ZKSCAN2: variants seen among roughly 807,000 people sequenced by gnomAD.
The protein encoded by ZKSCAN2 is zinc finger protein with KRAB and SCAN domains 2.
A neutral mutation model predicts 90.5 loss-of-function variants in ZKSCAN2; 38 were observed. The ratio of observed to expected loss-of-function variants is 0.42; its 90% CI spans 0.32 to 0.55. ZKSCAN2 has a LOEUF of 0.55. ZKSCAN2 is among the 20% of genes least tolerant of loss of function. ZKSCAN2 has a pLI of 0.11. For synonymous variants in ZKSCAN2, 429 were observed against 421.6 expected (o/e 1.02, Z -0.22); for missense variants, 1,167 against 1,202.6 (o/e 0.97, Z 0.44).
Position 25,252,132 on chromosome 16 carries a change from T to C in ZKSCAN2, c.679-97A>G, listed in dbSNP as rs1963030567. ...GAGGCAGAGAAGAACCCTAAAGAAC[T>C]GAAATCAAGGAACAAGTGGATAGTT... is the stretch of plus-strand genomic sequence containing the variant. On this transcript the variant is annotated intron_variant, in intron 3 of 6. Coordinates refer to ENST00000328086, the MANE Select transcript of ZKSCAN2 (RefSeq NM_001012981.5). 6.4e-6 allele frequency: 9 copies of C among 1,398,096 alleles called. No individual in the cohort carries two copies. In the South Asian group the frequency reaches 1.2e-4, roughly 19 times the overall value. 86.6% of individuals were successfully genotyped at this position (1,398,096 alleles called of 1,614,324 possible).
At chr16:25,248,282 CAAAA>C (rs55673563) in intron 4 of ZKSCAN2, among the ~76,000 whole-genome samples, 2 of 23,224 alleles carry the variant, frequency 8.6e-5, no homozygotes, top group Non-Finnish European at 1.7e-4. Flanking sequence ...TTCTATACAG[CAAAA>C]AAAAAAAAAA....
rs1244530490 is a variant in ZKSCAN2, at chr16:25,239,013, A to G, written c.*803T>C. ...CTATTCTATCTGAGGAGGGCATGGT[A>G]GTTCGGAAGAGGCCGGCAGGAGCAC... On this transcript the variant is annotated 3_prime_UTR_variant, in exon 7 of 7. Coordinates refer to ENST00000328086, the MANE Select transcript of ZKSCAN2 (RefSeq NM_001012981.5). The G allele has an allele frequency of 2.0e-5, 3 of 152,734 alleles. No individual in the cohort carries two copies. The highest frequency in any genetic ancestry group is 2.9e-5 in the Non-Finnish European group (2 of 68,152). 9.5% of individuals were successfully genotyped at this position (152,734 alleles called of 1,614,324 possible). A position where few individuals can be genotyped will look rare whatever the true frequency, so the allele number is the denominator to read the frequency against.
intron 4 of ZKSCAN2, among the ~76,000 whole-genome samples, chr16:25,249,906 C>T (rs750051398): frequency 4.6e-5 from 7 of 152,132 alleles, no homozygotes; most frequent in Non-Finnish European, 5.9e-5. Context: ...CTCAATGAAG[C>T]ATTATTCACA....
intron 2 of ZKSCAN2, among the ~76,000 whole-genome samples, chr16:25,254,938 T>G (rs1963074166): frequency 6.6e-6 from 1 of 151,298 alleles, no homozygotes; most frequent in South Asian, 2.1e-4. Flanking sequence ...AGACCACAGG[T>G]GCACGCCAAC....
rs1388760463 is a variant in ZKSCAN2 at position 25,256,748 on chromosome 16, G to A, written c.380C>T (p.Thr127Ile). Residue 127 changes from threonine to isoleucine, a missense_variant, in exon 1 of 7, where the codon ACT becomes ATT. Physicochemically the swap from Thr to Ile is moderately conservative, Grantham distance 89 (BLOSUM62 -1). Transcript: ENST00000328086. Reference sequence around the variant, plus strand: ...TCTCACCTGCTGTCTTAGTCTTCCAGTCTCTTTCTCCAAATGCACTACCAG... The same window carrying A: ...TCTCACCTGCTGTCTTAGTCTTCCAATCTCTTTCTCCAAATGCACTACCAG... ...VALVVHLEKE[T>I]GRLRQQVSSP... The A allele has an allele frequency of 1.9e-6, 3 of 1,612,698 alleles. No individual in the cohort carries two copies. The highest frequency in any genetic ancestry group is 2.2e-5 in the South Asian group (2 of 90,898).
rs112850148 is a variant in ZKSCAN2, at chr16:25,242,269, T to C, written c.1981+1516A>G. On this transcript the variant is annotated intron_variant, in intron 6 of 6. Coordinates refer to ENST00000328086, the MANE Select transcript of ZKSCAN2 (RefSeq NM_001012981.5). ...GCTCAGAGAAAGCTTGATAATTTGATGATAGGTTTGGAGCTCACTTTAAAA... is the reference window on the plus strand; with the variant it reads ...GCTCAGAGAAAGCTTGATAATTTGACGATAGGTTTGGAGCTCACTTTAAAA... Among the ~76,000 whole-genome samples, 1,281 of 152,334 alleles carry C rather than the reference T, an allele frequency of 8.4e-3. 25 individuals are homozygous for C. Among genetic ancestry groups the C allele is most frequent in the African/African-American group, 0.029 (1,193 of 41,576 alleles).
chr16:25,256,797 G>C lies in ZKSCAN2; in HGVS notation c.331C>G (p.Gln111Glu). 6.2e-7 allele frequency: 1 copy of C among 1,614,032 alleles called. No homozygotes were observed. The highest frequency in any genetic ancestry group is 1.1e-5 in the South Asian group (1 of 91,048). Reference protein sequence around the residue: ...IQAWAQKQCPQSGEEAVALVV... With the variant: ...IQAWAQKQCPESGEEAVALVV... The stretch of plus-strand genomic sequence containing the variant: ...AGGGCCACCGCTTCCTCTCCACTTT[G>C]CGGACACTGCTTCTGTGCCCAAGCC... The change falls in exon 1 of 7, where the codon CAA becomes GAA. Residue 111 changes from glutamine to glutamate, a missense_variant. Transcript: ENST00000328086.
rs771945227 is a variant in ZKSCAN2 at position 25,257,084 on chromosome 16, A to T, written c.44T>A (p.Val15Asp). The change falls in exon 1 of 7, where the codon GTT becomes GAT. Residue 15 changes from valine (V) to aspartate (D), a missense_variant. Physicochemically the swap from Val to Asp is radical, Grantham distance 152 (BLOSUM62 -3). Coordinates refer to ENST00000328086, the MANE Select transcript of ZKSCAN2 (RefSeq NM_001012981.5). Reference sequence around the variant, plus strand: ...CACCTTCATTATTAGGCATCCCTCAACCTCCAGGGGCGCGTCGATCTGAGA... The same window carrying T: ...CACCTTCATTATTAGGCATCCCTCATCCTCCAGGGGCGCGTCGATCTGAGA... ...LDSQIDAPLE[V>D]EGCLIMKVEK... 5 of 1,613,076 alleles carry T rather than the reference A, an allele frequency of 3.1e-6. No homozygotes were observed. In the Admixed American group the frequency reaches 8.3e-5, roughly 27 times the overall value.
At chr16:25,251,305 CT>C (rs1963017031) in intron 4 of ZKSCAN2, among the ~76,000 whole-genome samples, 1 of 152,060 alleles carries the variant, frequency 6.6e-6, no homozygotes, top group South Asian at 2.1e-4. Flanking sequence ...TCAAAAGAGT[CT>C]GAAATCTACT....
intron 5 of ZKSCAN2, chr16:25,246,209 T>G (rs551118503): frequency 6.5e-6 from 1 of 154,366 alleles, no homozygotes; most frequent in South Asian, 2.0e-4. Context: ...TTTTTCCATC[T>G]GACTCATCTA....
Position 25,239,113 on chromosome 16 carries a change from A to C in ZKSCAN2, c.*703T>G, listed in dbSNP as rs1836663682. 6.5e-6 allele frequency: 1 copy of C among 152,730 alleles called. No homozygotes were observed. Among genetic ancestry groups the C allele is most frequent in the Admixed American group, 6.5e-5 (1 of 15,272 alleles). The allele number at this position is 152,730 out of a possible 1,614,324, so 9.5% of individuals were successfully genotyped here. A position where few individuals can be genotyped will look rare whatever the true frequency, so the allele number is the denominator to read the frequency against. On this transcript the variant is annotated 3_prime_UTR_variant, in exon 7 of 7. Transcript: ENST00000328086. ...CCTGGGATTACTTATAGGCTGGAGA[A>C]GCAGCAGCCAGGGGATTTAAGTCTT...
rs1173348293 is a variant in ZKSCAN2, at chr16:25,246,856, A to G, written c.1340T>C (p.Leu447Pro). 6.2e-7 allele frequency: 1 copy of G among 1,614,184 alleles called. No homozygotes were observed. Among genetic ancestry groups the G allele is most frequent in the East Asian group, 2.2e-5 (1 of 44,888 alleles). ...CTTAGCACTGATGGCAATTCTCTTCAGTCTGGGGACAGGTATCATCTCCTT... is the reference window on the plus strand; with the variant it reads ...CTTAGCACTGATGGCAATTCTCTTCGGTCTGGGGACAGGTATCATCTCCTT... ...KPKEMIPVPRLKRIAISAKEH... is the reference protein window; with the variant it reads ...KPKEMIPVPRPKRIAISAKEH... Residue 447 changes from leucine to proline, a missense_variant, in exon 5 of 7, where the codon CTG (leucine) becomes CCG (proline). Coordinates refer to ENST00000328086, the MANE Select transcript of ZKSCAN2 (RefSeq NM_001012981.5).
chr16:25,252,639 C>T (rs1366590618), intron 3 of ZKSCAN2, among the ~76,000 whole-genome samples: 1 of 152,062 alleles, frequency 6.6e-6, no homozygotes, highest in Non-Finnish European at 1.5e-5. Context: ...TACGGCAGGG[C>T]ATGGTAGCTC....
rs781305628 is a variant in ZKSCAN2, at chr16:25,255,352, C to G, written c.440G>C (p.Gly147Ala). ...PVHREKHSPL[G>A]AAWEVADFQP... ...GAAGTCTGCCACCTCCCACGCTGCT[C>G]CAAGTGGGGAGTGCTTCTCCCGGTG... The change falls in exon 2 of 7, where the codon GGA becomes GCA. Residue 147 changes from glycine (G) to alanine (A), a missense_variant. Coordinates refer to ENST00000328086, the MANE Select transcript of ZKSCAN2 (RefSeq NM_001012981.5). 3 of 1,613,098 alleles carry G rather than the reference C, an allele frequency of 1.9e-6. No individual in the cohort carries two copies. The highest frequency in any genetic ancestry group is 3.3e-5 in the Admixed American group (2 of 59,942).
At position 25,240,621 on chromosome 16, in the gene ZKSCAN2, G is replaced by A. The variant is rs1962838123; in HGVS notation, c.2099C>T (p.Pro700Leu). 6.2e-7 allele frequency: 1 copy of A among 1,613,972 alleles called. No individual in the cohort carries two copies. The highest frequency in any genetic ancestry group is 8.5e-7 in the Non-Finnish European group (1 of 1,180,040). The change falls in exon 7 of 7, where the codon CCC (proline) becomes CTC (leucine). Residue 700 changes from proline (P) to leucine (L), a missense_variant. By Grantham distance (98) the Pro-to-Leu change is moderately conservative (BLOSUM62 -3). Transcript: ENST00000328086. ...SKRVVSQSTD[P>L]SKYRKRECIS... is the part of the protein sequence containing the mutation. ...GCATTCCCTTTTGCGATATTTGCTG[G>A]GGTCGGTACTCTGGGAAACAACTCT...
chr16:25,246,484 A>G (rs146756332), intron 5 of ZKSCAN2: 1 of 586,590 alleles, frequency 1.7e-6, no homozygotes, highest in Non-Finnish European at 3.0e-6. Flanking sequence ...GCTGTGCTCT[A>G]AAGTGAAAAC....
chr16:25,248,401 G>A (rs1962970696), intron 4 of ZKSCAN2, among the ~76,000 whole-genome samples: 1 of 151,282 alleles, frequency 6.6e-6, no homozygotes, highest in Admixed American at 6.6e-5. Context: ...TCTGCTAAGG[G>A]GTCAATAACT....
At chr16:25,252,776 G>A (rs1168486051) in intron 3 of ZKSCAN2, among the ~76,000 whole-genome samples, 170 bp downstream of exon 3, 1 of 152,082 alleles carries the variant, frequency 6.6e-6, no homozygotes, top group Non-Finnish European at 1.5e-5. Flanking sequence ...TTAGCCAGGT[G>A]TGGTGGCATG....
chr16:25,255,536 G>A (rs1469359458), intron 1 of ZKSCAN2, 144 bp from the exon 2 acceptor site: 5 of 842,032 alleles, frequency 5.9e-6, no homozygotes, highest in South Asian at 1.7e-5. Flanking sequence ...CTCTGAGAGC[G>A]CTGGGCTGAG....
Sources: gnomAD v4.1 joint callset for allele counts (sites outside exome capture counted in the v4.1 genomes callset) on GRCh38, gnomAD v4.1.1 for gene constraint, MANE v1.5 for transcripts, NCBI Gene and HGNC (gene_info 2026-07-23, HGNC 2026-07-21) for gene names.